Variants in SPTAN1 observed in about 807,000 individuals in gnomAD.
SPTAN1 encodes spectrin alpha, non-erythrocytic 1, also known as spectrin alpha chain, non-erythrocytic 1.
Under a neutral mutation model 331.3 loss-of-function variants are expected in SPTAN1, and 61 were observed. The observed-to-expected ratio is 0.18, with a 90% CI of 0.15 to 0.23. SPTAN1 has a LOEUF of 0.23. Ranked by LOEUF, SPTAN1 falls within the 10% of genes least tolerant of loss-of-function variation. The pLI, the probability that SPTAN1 is intolerant of heterozygous loss-of-function variation, is 1.00. For missense variants in SPTAN1, 2,043 were observed against 3,147.9 expected (o/e 0.65, Z 8.40); for synonymous variants, 1,153 against 1,173.9 (o/e 0.98, Z 0.36).
chr9:128,596,751 G>A (rs1854352063), intron 24 of SPTAN1: 1 of 152,354 alleles, frequency 6.6e-6, no homozygotes. Context: ...GAGGGCAGTG[G>A]ATGATCATAG....
intron 42 of SPTAN1, 88 bp downstream of exon 42, chr9:128,617,848 G>C (rs2131795516): frequency 6.2e-7 from 1 of 1,611,358 alleles, no homozygotes; most frequent in East Asian, 2.2e-5. Flanking sequence ...ATTTCACTGA[G>C]GTCCCTAAAG....
At chr9:128,563,742 G>A (rs1424814693) in intron 1 of SPTAN1, among the ~76,000 whole-genome samples, 2 of 149,260 alleles carry the variant, frequency 1.3e-5, no homozygotes, top group Non-Finnish European at 3.0e-5. Flanking sequence ...TTGAGACAGG[G>A]TCTCATTGTG....
intron 3 of SPTAN1, among the ~76,000 whole-genome samples, chr9:128,573,762 C>G (rs949856189): frequency 2.0e-5 from 3 of 150,686 alleles, no homozygotes; most frequent in Admixed American, 6.6e-5. Flanking sequence ...CCCTTTTCTA[C>G]TTTTTTTTTG....
At chr9:128,601,307 T>A (rs1855122167) in intron 27 of SPTAN1, 1 of 152,096 alleles carries the variant, frequency 6.6e-6, no homozygotes, top group South Asian at 2.1e-4. Flanking sequence ...TGTGATTGTG[T>A]AACTGGTTGC....
Position 128,632,887 on chromosome 9 carries a change from A to G in SPTAN1, c.7240A>G (p.Ile2414Val), listed in dbSNP as rs1245372215. 2 of 1,613,934 alleles carry G rather than the reference A, an allele frequency of 1.2e-6. No individual in the cohort carries two copies. Among genetic ancestry groups the G allele is most frequent in the South Asian group, 2.2e-5 (2 of 91,082 alleles). The part of the protein sequence containing the change: ...ETENVKSSEE[I>V]ESAFRALSSE... ...TGAGAACGTCAAGTCCAGCGAGGAG[A>G]TTGAGAGCGCCTTCCGGGCCCTCAG... The change falls in exon 56 of 57, where the codon ATT becomes GTT. Residue 2414 changes from isoleucine to valine, a missense_variant. Ile to Val is a conservative substitution (Grantham distance 29). Around this residue, in one of 12 missense-constraint regions of SPTAN1, gnomAD observed 88 missense variants for 96.5 expected, o/e 0.91. Coordinates refer to ENST00000372739, the MANE Select transcript of SPTAN1 (RefSeq NM_001130438.3).
chr9:128,624,165 C>T (rs138961673), intron 45 of SPTAN1, among the ~76,000 whole-genome samples, 163 bp from the exon 46 acceptor site: 107 of 151,266 alleles, frequency 7.1e-4, no homozygotes, highest in East Asian at 5.5e-3. Flanking sequence ...AGCCTTTGAC[C>T]GCATTGCTCT....
chr9:128,598,274 C>CTTT (rs1268287662), intron 24 of SPTAN1, 126 bp from the exon 25 acceptor site: 17 of 594,340 alleles, frequency 2.9e-5, no homozygotes, highest in Admixed American at 5.6e-5. Flanking sequence ...TAATCCCCCC[C>CTTT]TTTTTTTTTT....
Position 128,632,628 on chromosome 9 carries a change from T to C in SPTAN1, c.7070T>C (p.Leu2357Pro). 1 of 1,614,056 alleles carries C rather than the reference T, an allele frequency of 6.2e-7. No homozygotes were observed. The highest frequency in any genetic ancestry group is 1.1e-5 in the South Asian group (1 of 91,086). Reference sequence around the variant, plus strand: ...AACCATCAGGAGTTCAAATCTTGCCTGCGCTCCCTGGGCTATGACCTGCCC... The same window carrying C: ...AACCATCAGGAGTTCAAATCTTGCCCGCGCTCCCTGGGCTATGACCTGCCC... ...RLNHQEFKSC[L>P]RSLGYDLPMV... is the part of the protein sequence containing the mutation. The change falls in exon 55 of 57, where the codon CTG (leucine) becomes CCG (proline). Residue 2357 changes from leucine (L) to proline (P), a missense_variant. Leu to Pro is a moderately conservative substitution (Grantham distance 98). This residue lies in a region of SPTAN1 where 58 missense variants were observed against 74.0 expected (regional missense o/e 0.78). Coordinates refer to ENST00000372739, the MANE Select transcript of SPTAN1 (RefSeq NM_001130438.3).
At chr9:128,586,112 GTTTTTTTTTTTT>G (rs35434571) in intron 19 of SPTAN1, 147 bp downstream of exon 19, 3 of 265,408 alleles carry the variant, frequency 1.1e-5, no homozygotes, top group Admixed American at 6.3e-5. Flanking sequence ...TTTTCACTTG[GTTTTTTTTTTTT>G]TTTTTTTTTT....
Position 128,597,381 on chromosome 9 carries a change from G to T in SPTAN1, c.3415-1019G>T, listed in dbSNP as rs541482514. Among the ~76,000 whole-genome samples, 8 of 152,186 alleles carry T rather than the reference G, an allele frequency of 5.3e-5. No homozygotes were observed. The East Asian group carries it at 1.6e-3, about 30-fold the overall frequency. ...TCTCTATTTGATAAAATTATTTGCT[G>T]GGCATAGTGGTGTGTGCCTATAGTC... On this transcript the variant is annotated intron_variant, in intron 24 of 56. Coordinates refer to ENST00000372739, the MANE Select transcript of SPTAN1 (RefSeq NM_001130438.3).
At position 128,577,020 on chromosome 9, in the gene SPTAN1, G is replaced by A; in HGVS notation, c.785+64G>A. Reference sequence around the variant, plus strand: ...CCTGGAGGGGAGTTGTGAAGCACAGGGCATGTGCTGGTGAGCTGTCGAGGC... The same window carrying A: ...CCTGGAGGGGAGTTGTGAAGCACAGAGCATGTGCTGGTGAGCTGTCGAGGC... On this transcript the variant is annotated intron_variant, in intron 6 of 56. Coordinates refer to ENST00000372739, the MANE Select transcript of SPTAN1 (RefSeq NM_001130438.3). This position sits in a 1 kb window ranked among gnomAD's most constrained non-coding sequence, Gnocchi z 4.2. 6.2e-7 allele frequency: 1 copy of A among 1,613,948 alleles called. No individual in the cohort carries two copies. The highest frequency in any genetic ancestry group is 1.1e-5 in the South Asian group (1 of 91,050).
chr9:128,632,706 T>C lies in SPTAN1; in HGVS notation c.7148T>C (p.Val2383Ala), dbSNP rs754183499. 11 of 1,613,900 alleles carry C rather than the reference T, an allele frequency of 6.8e-6. No individual in the cohort carries two copies. Among genetic ancestry groups the C allele is most frequent in the Non-Finnish European group, 9.3e-6 (11 of 1,180,040 alleles). Residue 2383 changes from valine to alanine, a missense_variant, in exon 55 of 57, where the codon GTG (valine) becomes GCG (alanine). By Grantham distance (64) the Val-to-Ala change is moderately conservative. Around this residue, in one of 12 missense-constraint regions of SPTAN1, gnomAD observed 58 missense variants for 74.0 expected, o/e 0.78. Coordinates refer to ENST00000372739, the MANE Select transcript of SPTAN1 (RefSeq NM_001130438.3). Reference protein sequence around the residue: ...DPEFEAILDTVDPNRDGHVSL... With the variant: ...DPEFEAILDTADPNRDGHVSL... The stretch of plus-strand genomic sequence containing the variant: ...GAGTTCGAGGCAATCCTGGACACGG[T>C]GGATCCGAACAGGTAAATTAATTAA...
intron 23 of SPTAN1, chr9:128,593,259 G>A: frequency 1.6e-6 from 1 of 629,310 alleles, no homozygotes; most frequent in Admixed American, 2.1e-5. Context: ...TCCATGTGCA[G>A]CTGTGTGTTC....
intron 42 of SPTAN1, 88 bp downstream of exon 42, chr9:128,617,848 G>A: frequency 1.2e-6 from 2 of 1,611,358 alleles, no homozygotes; most frequent in South Asian, 2.2e-5. Context: ...ATTTCACTGA[G>A]GTCCCTAAAG....
chr9:128,565,939 G>A (rs139281148), intron 1 of SPTAN1, among the ~76,000 whole-genome samples: 5 of 152,306 alleles, frequency 3.3e-5, no homozygotes, highest in East Asian at 3.9e-4. Flanking sequence ...AGGAAATTGA[G>A]GCATGGAGAG....
intron 23 of SPTAN1, 103 bp from the exon 24 acceptor site, chr9:128,594,072 C>A: frequency 9.0e-7 from 1 of 1,105,986 alleles, no homozygotes; most frequent in Non-Finnish European, 1.4e-6. Context: ...AACTCGTAGC[C>A]TGGAATCCAC....
chr9:128,594,549 G>C (rs1275928579), intron 24 of SPTAN1, among the ~76,000 whole-genome samples, 176 bp downstream of exon 24: 3 of 145,540 alleles, frequency 2.1e-5, no homozygotes, highest in Non-Finnish European at 4.5e-5. Flanking sequence ...TCCTGCCTCA[G>C]CATCCTGAGT....
chr9:128,582,682 C>G lies in SPTAN1; in HGVS notation c.1651-12C>G. Reference sequence around the variant, plus strand: ...GAACACTAGAGACTCACAGGGGATCCTTGTCTTTCAGCTGTTGAGCCGCCG... The same window carrying G: ...GAACACTAGAGACTCACAGGGGATCGTTGTCTTTCAGCTGTTGAGCCGCCG... On this transcript the variant is annotated splice_polypyrimidine_tract_variant and intron_variant, in intron 13 of 56. Transcript: ENST00000372739. The G allele has an allele frequency of 6.2e-7, 1 of 1,612,666 alleles. No homozygotes were observed. The highest frequency in any genetic ancestry group is 8.5e-7 in the Non-Finnish European group (1 of 1,180,018).
At position 128,584,398 on chromosome 9, in the gene SPTAN1, G is replaced by A. The variant is rs1414458528; in HGVS notation, c.2310G>A (p.Lys770=). Residue 770 remains lysine (K), a synonymous_variant, in exon 17 of 57, where the codon AAG becomes AAA. Coordinates refer to ENST00000372739, the MANE Select transcript of SPTAN1 (RefSeq NM_001130438.3). ...TCGTGGCTCGCTATGAGGCACTCAA[G>A]GAGCCCATGGTTGCCCGGAAGCAGA... is the stretch of plus-strand genomic sequence containing the variant. ...EALVARYEAL[K]EPMVARKQKL... 2 of 1,614,060 alleles carry A rather than the reference G, an allele frequency of 1.2e-6. No individual in the cohort carries two copies. The highest frequency in any genetic ancestry group is 2.7e-5 in the African/African-American group (2 of 74,938).
Sources: allele counts gnomAD v4.1 joint callset (sites outside exome capture counted in the v4.1 genomes callset), GRCh38; gene constraint gnomAD v4.1.1; regional missense constraint gnomAD v4.1.1; non-coding constraint Gnocchi (gnomAD v3.1); transcripts MANE v1.5; gene names NCBI Gene and HGNC (gene_info 2026-07-23, HGNC 2026-07-21).